The following CARMIL1 variants were observed in gnomAD, a reference collection of about 807,000 sequenced individuals.
The protein encoded by CARMIL1 is F-actin-uncapping protein LRRC16A.
In CARMIL1, 90 loss-of-function variants were observed where a neutral mutation model predicts 177.1. The ratio of observed to expected loss-of-function variants is 0.51; its 90% CI spans 0.43 to 0.61. The LOEUF is 0.61. Among genes scored for constraint, CARMIL1 ranks in the 20% least tolerant of loss-of-function variants. The pLI, the probability that CARMIL1 is intolerant of heterozygous loss-of-function variation, is 0.00. For missense variants in CARMIL1, 1,380 were observed against 1,667.0 expected (o/e 0.83, Z 3.00); for synonymous variants, 577 against 606.2 (o/e 0.95, Z 0.71).
At position 25,594,482 on chromosome 6, in the gene CARMIL1, G is replaced by T; in HGVS notation, c.3074G>T (p.Gly1025Val). The part of the protein sequence containing the change: ...QNGLMGRVDE[G>V]VDEFFTKKVT... ...GGTCTCATGGGGAGAGTGGATGAAG[G>T]TGTAGATGAATTTTTTACCAAGAAG... The change falls in exon 32 of 37, where the codon GGT becomes GTT. Residue 1025 changes from glycine (G) to valine (V), a missense_variant. Coordinates refer to ENST00000329474, the MANE Select transcript of CARMIL1 (RefSeq NM_017640.6). 1 of 1,613,636 alleles carries T rather than the reference G, an allele frequency of 6.2e-7. No individual in the cohort carries two copies. The highest frequency in any genetic ancestry group is 1.1e-5 in the South Asian group (1 of 91,060).
chr6:25,509,711 T>C lies in CARMIL1; in HGVS notation c.1451T>C (p.Ile484Thr), dbSNP rs1446509115. The change falls in exon 18 of 37, where the codon ATC becomes ACC. Residue 484 changes from isoleucine (I) to threonine (T), a missense_variant. Ile to Thr is a moderately conservative substitution (Grantham distance 89, BLOSUM62 -1). Transcript: ENST00000329474. This position sits in a 1 kb window ranked among gnomAD's most constrained non-coding sequence, Gnocchi z 4.1. Reference protein sequence around the residue: ...LEGCIAEIHNITSLDISDNGL... With the variant: ...LEGCIAEIHNTTSLDISDNGL... ...GGTTGCATTGCTGAAATACACAACA[T>C]CACCAGCTTAGACATCTCTGACAAT... The C allele has an allele frequency of 6.2e-7, 1 of 1,600,872 alleles. No homozygotes were observed. The highest frequency in any genetic ancestry group is 1.1e-5 in the South Asian group (1 of 88,212).
intron 29 of CARMIL1, among the ~76,000 whole-genome samples, chr6:25,566,467 C>T (rs1811559829): frequency 6.6e-6 from 1 of 152,234 alleles, no homozygotes; most frequent in Non-Finnish European, 1.5e-5. Context: ...ACCAACTTGT[C>T]CCATGGCTGT....
Position 25,577,047 on chromosome 6 carries a change from G to A in CARMIL1, c.2743-3877G>A. 2.0e-6 allele frequency: 2 copies of A among 984,962 alleles called. No homozygotes were observed. The highest frequency in any genetic ancestry group is 4.7e-5 in the South Asian group (1 of 21,264). 61.0% of individuals were successfully genotyped at this position (984,962 alleles called of 1,614,324 possible). On this transcript the variant is annotated intron_variant, in intron 29 of 36. Coordinates refer to ENST00000329474, the MANE Select transcript of CARMIL1 (RefSeq NM_017640.6). The surrounding 1 kb of genome is among the most constrained non-coding windows in gnomAD (Gnocchi z 4.5). ...TCTGGCTGTACTACTTTATATTCTT[G>A]TGCTCCATTTGCTTCTGTGCTGCCT...
At chr6:25,331,768 T>A (rs924244725) in intron 2 of CARMIL1, among the ~76,000 whole-genome samples, 1 of 152,222 alleles carries the variant, frequency 6.6e-6, no homozygotes, top group Non-Finnish European at 1.5e-5. Flanking sequence ...ATGCTTGTCT[T>A]TGGCTTTTAC....
intron 35 of CARMIL1, among the ~76,000 whole-genome samples, chr6:25,609,420 C>T (rs907461158): frequency 1.2e-4 from 18 of 150,666 alleles, no homozygotes; most frequent in Non-Finnish European, 2.2e-4. Flanking sequence ...GAGCCGGGAT[C>T]GCACCACTGC....
At chr6:25,569,993 A>G (rs1811924134) in intron 29 of CARMIL1, among the ~76,000 whole-genome samples, 1 of 150,552 alleles carries the variant, frequency 6.6e-6, no homozygotes, top group African/African-American at 2.4e-5. Flanking sequence ...TTTTTTTTTG[A>G]GACGGAGTCT....
At chr6:25,520,398 T>C in intron 23 of CARMIL1, 61 bp downstream of exon 23, 1 of 920,006 alleles carries the variant, frequency 1.1e-6, no homozygotes, top group Non-Finnish European at 1.7e-6. Flanking sequence ...GTTATGTTCC[T>C]GAACTTATAA....
At chr6:25,298,866 T>C (rs1355838393) in intron 2 of CARMIL1, among the ~76,000 whole-genome samples, 1 of 151,758 alleles carries the variant, frequency 6.6e-6, no homozygotes, top group Non-Finnish European at 1.5e-5. Flanking sequence ...GCGATTCTCC[T>C]GCTTCAAATT....
intron 2 of CARMIL1, among the ~76,000 whole-genome samples, chr6:25,309,105 C>A (rs1783536558): frequency 6.6e-6 from 1 of 152,120 alleles, no homozygotes; most frequent in Non-Finnish European, 1.5e-5. Context: ...CCAGGCTGGT[C>A]ATGAACTCCT....
At chr6:25,294,219 A>G (rs369781193) in intron 2 of CARMIL1, among the ~76,000 whole-genome samples, 1 of 152,324 alleles carries the variant, frequency 6.6e-6, no homozygotes, top group East Asian at 1.9e-4. Context: ...AGTTCCTGCT[A>G]AGAAGGCAAA....
chr6:25,388,422 A>G (rs536500938), intron 2 of CARMIL1, among the ~76,000 whole-genome samples: 1 of 152,220 alleles, frequency 6.6e-6, no homozygotes, highest in Admixed American at 6.5e-5. Flanking sequence ...GCTGGAGTGC[A>G]GTGGAGCGAT....
chr6:25,599,081 C>A (rs1432403152), intron 32 of CARMIL1, among the ~76,000 whole-genome samples: 6 of 152,214 alleles, frequency 3.9e-5, no homozygotes, highest in African/African-American at 1.4e-4. Flanking sequence ...TTCATTCTTT[C>A]CAGAGAGTGA....
At chr6:25,498,031 C>T (rs1803914621) in intron 16 of CARMIL1, among the ~76,000 whole-genome samples, 1 of 152,178 alleles carries the variant, frequency 6.6e-6, no homozygotes, top group African/African-American at 2.4e-5. Context: ...ATGCTCTTTG[C>T]TCCAGCATCA....
intron 31 of CARMIL1, among the ~76,000 whole-genome samples, chr6:25,586,175 A>G (rs1183733547): frequency 3.4e-5 from 5 of 146,226 alleles, no homozygotes; most frequent in African/African-American, 8.1e-5. Context: ...GCTGCCGGGC[A>G]GAGACGCTCC....
chr6:25,472,592 C>G, intron 11 of CARMIL1, 71 bp downstream of exon 11: 2 of 1,242,050 alleles, frequency 1.6e-6, no homozygotes, highest in Non-Finnish European at 2.3e-6. Context: ...TTTAGCCATG[C>G]CTGAAGAGCT....
At chr6:25,576,980 T>G in intron 29 of CARMIL1, 1 of 985,320 alleles carries the variant, frequency 1.0e-6, no homozygotes, top group Non-Finnish European at 1.2e-6. Flanking sequence ...ATGGAGACTC[T>G]CTGCTGTACA....
intron 2 of CARMIL1, among the ~76,000 whole-genome samples, chr6:25,332,099 A>G (rs1340438210): frequency 6.6e-6 from 1 of 152,118 alleles, no homozygotes; most frequent in African/African-American, 2.4e-5. Flanking sequence ...CTGGACTCCA[A>G]GTGATCCTCT....
At chr6:25,609,896 C>T (rs1406772607) in intron 35 of CARMIL1, among the ~76,000 whole-genome samples, 154 bp from the exon 36 acceptor site, 1 of 152,176 alleles carries the variant, frequency 6.6e-6, no homozygotes, top group Non-Finnish European at 1.5e-5. Context: ...TGTTACTTCA[C>T]TGAGCAAAAA....
intron 5 of CARMIL1, among the ~76,000 whole-genome samples, chr6:25,442,866 T>C (rs1272648794): frequency 6.6e-6 from 1 of 152,210 alleles, no homozygotes; most frequent in Non-Finnish European, 1.5e-5. Context: ...CCCTTAACCC[T>C]GAGTGTGAAT....
Sources: gnomAD v4.1 joint callset for allele counts (sites outside exome capture counted in the v4.1 genomes callset) on GRCh38, gnomAD v4.1.1 for gene constraint, Gnocchi (gnomAD v3.1) non-coding constraint, MANE v1.5 for transcripts, NCBI Gene and HGNC (gene_info 2026-07-23, HGNC 2026-07-21) for gene names.